ZNF45: variants seen among roughly 807,000 people sequenced by gnomAD.
ZNF45 encodes BRC1744.
ZNF45 carries 4 observed loss-of-function variants against 12.0 expected under a neutral mutation model. That is an observed-to-expected ratio of 0.33 (90% CI 0.16 to 0.76). The LOEUF is 0.76. ZNF45 is among the 30% of genes least tolerant of loss of function. ZNF45 has a pLI of 0.60. For missense variants in ZNF45, 700 were observed against 813.0 expected (o/e 0.86, Z 1.69); for synonymous variants, 272 against 279.6 (o/e 0.97, Z 0.27).
chr19:43,914,542 G>A lies in ZNF45; in HGVS notation c.894C>T (p.His298=), dbSNP rs759919279. 57 of 1,612,562 alleles carry A rather than the reference G, an allele frequency of 3.5e-5. No individual in the cohort carries two copies. In the East Asian group the frequency reaches 3.8e-4, roughly 11 times the overall value. ...CACACTTATATGGTTTCTTTCCAGTGTGAACTTTCAGATGAACTTGAAGAT... is the reference window on the plus strand; with the variant it reads ...CACACTTATATGGTTTCTTTCCAGTATGAACTTTCAGATGAACTTGAAGAT... ...RSYLQVHLKV[H]TGKKPYKCEE... Residue 298 remains histidine (H), a synonymous_variant, in exon 10 of 10, where the codon CAC becomes CAT. Transcript: ENST00000269973.
chr19:43,921,244 T>C (rs1477623201), intron 7 of ZNF45, among the ~76,000 whole-genome samples: 1 of 152,234 alleles, frequency 6.6e-6, no homozygotes, highest in African/African-American at 2.4e-5. Context: ...TTCTTTGTAA[T>C]TAAAATGCAC....
In ZNF45 at chr19:43,918,885, T is replaced by C; in HGVS notation, c.220A>G (p.Arg74Gly). 3 of 1,614,106 alleles carry C rather than the reference T, an allele frequency of 1.9e-6. No individual in the cohort carries two copies. Among genetic ancestry groups the C allele is most frequent in the Non-Finnish European group, 2.5e-6 (3 of 1,179,970 alleles). The stretch of plus-strand genomic sequence containing the variant: ...CCCTCCTCACCTGAGGAGTTATCTC[T>C]CTGGGTTGCCATCTTCATCATCCAC... Reference protein sequence around the residue: ...KLWMMKMATQRDNSSGAKNLK... With the variant: ...KLWMMKMATQGDNSSGAKNLK... Residue 74 changes from arginine (R) to glycine (G), a missense_variant, in exon 9 of 10, where the codon AGA becomes GGA. Coordinates refer to ENST00000269973, the MANE Select transcript of ZNF45 (RefSeq NM_003425.4).
Position 43,913,392 on chromosome 19 carries a change from G to C in ZNF45, c.2044C>G (p.Arg682Gly). Residue 682 changes from arginine (R) to glycine (G), a missense_variant, in exon 10 of 10, where the codon CGA (arginine) becomes GGA (glycine). Coordinates refer to ENST00000269973, the MANE Select transcript of ZNF45 (RefSeq NM_003425.4). ...CTGAGATAGTAAAACATATTTTATC[G>C]AGTTTTCCTGTGTGAATCCTCTGAT... ...PSSEDSHRKT[R>G] is the part of the protein sequence containing the mutation. 1 of 1,531,538 alleles carries C rather than the reference G, an allele frequency of 6.5e-7. No homozygotes were observed. The highest frequency in any genetic ancestry group is 8.8e-7 in the Non-Finnish European group (1 of 1,141,454). 94.9% of individuals were successfully genotyped at this position (1,531,538 alleles called of 1,614,324 possible).
Position 43,914,056 on chromosome 19 carries a change from C to T in ZNF45, c.1380G>A (p.Leu460=). ...CTCCAGTGTGGCCTCTTTGATGGGCCAGAAGATTTGAGGCCTGGCTGAAGC... is the reference window on the plus strand; with the variant it reads ...CTCCAGTGTGGCCTCTTTGATGGGCTAGAAGATTTGAGGCCTGGCTGAAGC... ...GKGFSQASNL[L]AHQRGHTGEK... The change falls in exon 10 of 10, where the codon CTG becomes CTA. Residue 460 remains leucine, a synonymous_variant. Coordinates refer to ENST00000269973, the MANE Select transcript of ZNF45 (RefSeq NM_003425.4). 6.2e-7 allele frequency: 1 copy of T among 1,613,924 alleles called. No individual in the cohort carries two copies. Among genetic ancestry groups the T allele is most frequent in the African/African-American group, 1.3e-5 (1 of 74,954 alleles).
intron 9 of ZNF45, among the ~76,000 whole-genome samples, chr19:43,917,005 G>A (rs970916039): frequency 6.6e-6 from 1 of 152,078 alleles, no homozygotes; most frequent in Non-Finnish European, 1.5e-5. Context: ...TAGAGCCTCG[G>A]GAATAATGTT....
chr19:43,914,224 C>T lies in ZNF45; in HGVS notation c.1212G>A (p.Leu404=). 1.2e-6 allele frequency: 2 copies of T among 1,608,272 alleles called. No homozygotes were observed. Among genetic ancestry groups the T allele is most frequent in the South Asian group, 1.1e-5 (1 of 90,714 alleles). Residue 404 remains leucine (L), a synonymous_variant, in exon 10 of 10, where the codon CTG becomes CTA. Transcript: ENST00000269973. ...CTCCAGTATGGCCTCTTTGATGGTC[C>T]AGCAGATTTGAGGCCCGGCAGAAGC... is the stretch of plus-strand genomic sequence containing the variant. ...GKGFCRASNL[L]DHQRGHTGEK... is the part of the protein sequence containing the mutation.
At chr19:43,920,540 G>A (rs986758023) in intron 7 of ZNF45, among the ~76,000 whole-genome samples, 2 of 136,938 alleles carry the variant, frequency 1.5e-5, no homozygotes, top group Admixed American at 7.5e-5. Flanking sequence ...CCGGGTGGGG[G>A]GGGGGGGCAG....
Position 43,913,371 on chromosome 19 carries a change from G to A in ZNF45, c.*16C>T, listed in dbSNP as rs766161324. ...TTAAAATATTTCAGCACCCATCTGA[G>A]ATAGTAAAACATATTTTATCGAGTT... On this transcript the variant is annotated 3_prime_UTR_variant, in exon 10 of 10. Coordinates refer to ENST00000269973, the MANE Select transcript of ZNF45 (RefSeq NM_003425.4). 5.9e-6 allele frequency: 9 copies of A among 1,525,198 alleles called. No homozygotes were observed. The African/African-American group carries it at 1.3e-4, about 21-fold the overall frequency. 94.5% of individuals were successfully genotyped at this position (1,525,198 alleles called of 1,614,324 possible).
intron 9 of ZNF45, among the ~76,000 whole-genome samples, chr19:43,915,795 C>A (rs1171684971): frequency 2.6e-5 from 4 of 152,194 alleles, no homozygotes; most frequent in Admixed American, 6.5e-5. Context: ...CGACCCCAGT[C>A]TGTGGAAAAA....
chr19:43,928,291 A>G (rs948808728), intron 3 of ZNF45, among the ~76,000 whole-genome samples: 20 of 152,094 alleles, frequency 1.3e-4, no homozygotes, highest in Non-Finnish European at 2.4e-4. Context: ...CGCATGTTCT[A>G]ACTCATCAGT....
intron 7 of ZNF45, 40 bp downstream of exon 7, chr19:43,922,131 G>A (rs1252124758): frequency 6.2e-7 from 1 of 1,603,738 alleles, no homozygotes; most frequent in Non-Finnish European, 8.5e-7. Flanking sequence ...TTTCCGAAAT[G>A]AGATGACAAT....
intron 9 of ZNF45, among the ~76,000 whole-genome samples, chr19:43,917,148 T>A (rs945377829): frequency 6.6e-6 from 1 of 152,190 alleles, no homozygotes; most frequent in Non-Finnish European, 1.5e-5. Context: ...GTGACAAGCA[T>A]TAACAGAAAA....
intron 9 of ZNF45, among the ~76,000 whole-genome samples, chr19:43,916,346 G>C (rs1193902341): frequency 6.6e-6 from 1 of 152,026 alleles, no homozygotes; most frequent in African/African-American, 2.4e-5. Context: ...AAGCTCCTGA[G>C]CTCAAGCTAT....
chr19:43,919,654 C>T lies in ZNF45; in HGVS notation c.61G>A (p.Glu21Lys). The change falls in exon 8 of 10, where the codon GAG becomes AAG. Residue 21 changes from glutamate to lysine, a missense_variant. Coordinates refer to ENST00000269973, the MANE Select transcript of ZNF45 (RefSeq NM_003425.4). ...TGGGCAAGGTCCAGCAGTTGCAGCTCCTCCTCAGAGAAGACCACAGCCACG... is the reference window on the plus strand; with the variant it reads ...TGGGCAAGGTCCAGCAGTTGCAGCTTCTCCTCAGAGAAGACCACAGCCACG... The part of the protein sequence containing the change: ...KDVAVVFSEE[E>K]LQLLDLAQRK... The T allele has an allele frequency of 6.2e-7, 1 of 1,613,194 alleles. No homozygotes were observed. Among genetic ancestry groups the T allele is most frequent in the Non-Finnish European group, 8.5e-7 (1 of 1,179,416 alleles).
At position 43,919,592 on chromosome 19, in the gene ZNF45, G is replaced by C. The variant is rs774220196; in HGVS notation, c.123C>G (p.Phe41Leu). The C allele has an allele frequency of 1.2e-6, 2 of 1,612,706 alleles. No individual in the cohort carries two copies. Among genetic ancestry groups the C allele is most frequent in the South Asian group, 2.2e-5 (2 of 91,056 alleles). The change falls in exon 8 of 10, where the codon TTC becomes TTG. Residue 41 changes from phenylalanine (F) to leucine (L), a missense_variant. Transcript: ENST00000269973. ...KLYRDVMLEN[F>L]RNVVSVGHQS... ...CCTCACCCACTGAGACCACATTCCT[G>C]AAGTTCTCCAGCATCACATCTCGGT... is the stretch of plus-strand genomic sequence containing the variant.
Position 43,922,929 on chromosome 19 carries a change from G to A in ZNF45, c.-32-712C>T, listed in dbSNP as rs148702131. 3.5e-4 allele frequency among the ~76,000 whole-genome samples: 52 copies of A among 147,794 alleles called. 2 individuals are homozygous for A. Among genetic ancestry groups the A allele is most frequent in the East Asian group, 1.6e-3 (8 of 4,870 alleles). ...AAGCCTTGACCTCCTGGGCTCAAGCGATCCTCCCACCTCAGCCTCCCAAGT... is the reference window on the plus strand; with the variant it reads ...AAGCCTTGACCTCCTGGGCTCAAGCAATCCTCCCACCTCAGCCTCCCAAGT... On this transcript the variant is annotated intron_variant, in intron 6 of 9. Transcript: ENST00000269973.
At chr19:43,915,984 A>G (rs1643598322) in intron 9 of ZNF45, among the ~76,000 whole-genome samples, 1 of 152,182 alleles carries the variant, frequency 6.6e-6, no homozygotes, top group African/African-American at 2.4e-5. Flanking sequence ...CCTGATAGCA[A>G]TTAAAGTTTC....
intron 6 of ZNF45, among the ~76,000 whole-genome samples, chr19:43,923,624 T>C (rs1973407395): frequency 6.6e-6 from 1 of 152,180 alleles, no homozygotes; most frequent in Admixed American, 6.5e-5. Context: ...TAGTAAAATA[T>C]GTAACATAAA....
intron 6 of ZNF45, among the ~76,000 whole-genome samples, chr19:43,923,951 A>G (rs898970718): frequency 6.0e-5 from 9 of 149,498 alleles, no homozygotes; most frequent in African/African-American, 2.0e-4. Context: ...CAACAGAGTG[A>G]TCTCTAAAGA....
Sources: allele counts gnomAD v4.1 joint callset (sites outside exome capture counted in the v4.1 genomes callset), GRCh38; gene constraint gnomAD v4.1.1; transcripts MANE v1.5; gene names NCBI Gene and HGNC (gene_info 2026-07-23, HGNC 2026-07-21).